Variants in AFAP1 observed in about 807,000 individuals in gnomAD.
The protein encoded by AFAP1 is actin filament associated protein 1.
A neutral mutation model predicts 93.9 loss-of-function variants in AFAP1; 75 were observed. The observed-to-expected ratio is 0.80, with a 90% CI of 0.66 to 0.97. The LOEUF (loss-of-function observed/expected upper bound fraction) is 0.97, where lower values mean the gene tolerates loss of function less well. AFAP1 is among the 50% of genes least tolerant of loss of function. The pLI is 0.00. For missense variants in AFAP1, 1,201 were observed against 1,050.8 expected (o/e 1.14, Z -1.98); for synonymous variants, 517 against 430.7 (o/e 1.20, Z -2.48).
intron 1 of AFAP1, among the ~76,000 whole-genome samples, chr4:7,891,832 T>C (rs1055116640): frequency 2.0e-5 from 3 of 148,020 alleles, no homozygotes; most frequent in Non-Finnish European, 3.0e-5. Flanking sequence ...GTGGATCACC[T>C]GGGGTCAGGA....
At chr4:7,904,791 T>C (rs1320073) in intron 1 of AFAP1, among the ~76,000 whole-genome samples, 133,984 of 152,198 alleles carry the variant, frequency 0.88, 59,230 homozygotes, top group African/African-American at 0.96. Flanking sequence ...ACTGCAGCCT[T>C]GACTTCCTGG....
At chr4:7,845,789 A>G (rs887205819) in intron 4 of AFAP1, among the ~76,000 whole-genome samples, 2 of 151,934 alleles carry the variant, frequency 1.3e-5, no homozygotes, top group African/African-American at 4.8e-5. Context: ...CTTACATTTC[A>G]ATTTTCATTC....
At position 7,870,531 on chromosome 4, in the gene AFAP1, A is replaced by C. The variant is rs115208516; in HGVS notation, c.127+1421T>G. Among the ~76,000 whole-genome samples the C allele has an allele frequency of 6.3e-3, 961 of 152,246 alleles. 8 individuals carry two copies. The highest frequency in any genetic ancestry group is 0.02 in the African/African-American group (840 of 41,540). On this transcript the variant is annotated intron_variant, in intron 2 of 17. Coordinates refer to ENST00000420658, the MANE Select transcript of AFAP1 (RefSeq NM_001134647.2). ...CTAGCTGGGTGTTGTGGTGTGCACAAATGTAGTCCCAGCTACTAGGGAGGC... is the reference window on the plus strand; with the variant it reads ...CTAGCTGGGTGTTGTGGTGTGCACACATGTAGTCCCAGCTACTAGGGAGGC...
At chr4:7,882,111 A>G (rs1350409656) in intron 1 of AFAP1, among the ~76,000 whole-genome samples, 2 of 152,180 alleles carry the variant, frequency 1.3e-5, no homozygotes, top group African/African-American at 4.8e-5. Context: ...CTCTAAAACT[A>G]TGAAGTCCTA....
chr4:7,885,422 G>C (rs937351106), intron 1 of AFAP1, among the ~76,000 whole-genome samples: 1 of 152,114 alleles, frequency 6.6e-6, no homozygotes, highest in Non-Finnish European at 1.5e-5. Flanking sequence ...TCTCACTGAG[G>C]TGCTACACTT....
chr4:7,874,421 T>C lies in AFAP1; in HGVS notation c.-2-2341A>G, dbSNP rs190482006. On this transcript the variant is annotated intron_variant, in intron 1 of 17. Coordinates refer to ENST00000420658, the MANE Select transcript of AFAP1 (RefSeq NM_001134647.2). ...CTTTGTCACCCAGGCTGGAGTGCAGTGGTGCAATCTCGGCTCACTGCAAGT... is the reference window on the plus strand; with the variant it reads ...CTTTGTCACCCAGGCTGGAGTGCAGCGGTGCAATCTCGGCTCACTGCAAGT... Among the ~76,000 whole-genome samples the C allele has an allele frequency of 3.2e-4, 45 of 141,184 alleles. No individual in the cohort carries two copies. In the South Asian group the frequency reaches 9.4e-3, roughly 30 times the overall value. The allele number at this position is 141,184 out of a possible 152,430, so 92.6% of individuals were successfully genotyped here.
chr4:7,840,292 GGTTT>G (rs1433804527), intron 5 of AFAP1, among the ~76,000 whole-genome samples: 7 of 107,440 alleles, frequency 6.5e-5, no homozygotes, highest in Non-Finnish European at 1.3e-4. Flanking sequence ...GTGTGTTCCT[GGTTT>G]GTTTTTGGGG....
At chr4:7,918,165 ACCGGGCTGCCAGAAGAGACACTCGGCC>A (rs879492250) in intron 1 of AFAP1, among the ~76,000 whole-genome samples, 5,209 of 150,314 alleles carry the variant, frequency 0.035, 261 homozygotes, top group Non-Finnish European at 0.055. Context: ...TCACCAGGAA[ACCGGGCTGCCAGAAGAGACACTCGGCC>A]CAGGTCACCA....
rs554096785 is a variant in AFAP1 at position 7,810,951 on chromosome 4, T to C, written c.905-1188A>G. On this transcript the variant is annotated intron_variant, in intron 8 of 17. Transcript: ENST00000420658. ...GCTCTGTCCGTGACCTCCGGCGGAA[T>C]TGCAGGGGCAGGGATCAGGCAAGAA... Among the ~76,000 whole-genome samples, 25 of 152,314 alleles carry C rather than the reference T, an allele frequency of 1.6e-4. 1 individual carries two copies. In the South Asian group the frequency reaches 5.0e-3, roughly 30 times the overall value.
At chr4:7,783,514 C>A (rs866134146) in intron 12 of AFAP1, among the ~76,000 whole-genome samples, 1 of 152,144 alleles carries the variant, frequency 6.6e-6, no homozygotes, top group Non-Finnish European at 1.5e-5. Flanking sequence ...GCCGAACACA[C>A]AGAAAATAGT....
At chr4:7,791,873 A>G (rs1379028793) in intron 11 of AFAP1, among the ~76,000 whole-genome samples, 5 of 152,038 alleles carry the variant, frequency 3.3e-5, no homozygotes, top group Admixed American at 3.3e-4. Flanking sequence ...AACAACAACA[A>G]CAAAACCCTA....
intron 6 of AFAP1, among the ~76,000 whole-genome samples, chr4:7,829,689 A>T (rs937011330): frequency 6.6e-6 from 1 of 152,240 alleles, no homozygotes; most frequent in Non-Finnish European, 1.5e-5. Flanking sequence ...ACATCAGACT[A>T]GCAAAAACTC....
At chr4:7,829,916 G>A (rs187741943) in intron 6 of AFAP1, among the ~76,000 whole-genome samples, 120 of 152,256 alleles carry the variant, frequency 7.9e-4, no homozygotes, top group African/African-American at 2.6e-3. Flanking sequence ...ATAAGCATAA[G>A]GTTATCTAAT....
At position 7,812,294 on chromosome 4, in the gene AFAP1, G is replaced by GT. The variant is rs1253003373; in HGVS notation, c.905-2532_905-2531insA. Among the ~76,000 whole-genome samples, 8 of 151,918 alleles carry GT rather than the reference G, an allele frequency of 5.3e-5. No individual in the cohort carries two copies. In the South Asian group the frequency reaches 8.3e-4, roughly 16 times the overall value. On this transcript the variant is annotated intron_variant, in intron 8 of 17. Transcript: ENST00000420658. ...AAGAGGTATCCCCCACAGATAATGT[G>GT]GCCCCCCCCAGAAAATGCAGCTCAT...
chr4:7,854,418 A>T (rs1714808401), intron 4 of AFAP1, among the ~76,000 whole-genome samples: 1 of 152,198 alleles, frequency 6.6e-6, no homozygotes, highest in Non-Finnish European at 1.5e-5. Context: ...TGGCTTCTCC[A>T]CAGCCCTTCT....
chr4:7,808,838 T>G (rs1719758444), intron 9 of AFAP1, among the ~76,000 whole-genome samples: 2 of 152,130 alleles, frequency 1.3e-5, no homozygotes, highest in South Asian at 4.1e-4. Flanking sequence ...CTCTTTCTCC[T>G]GCCATGTGAC....
intron 1 of AFAP1, among the ~76,000 whole-genome samples, chr4:7,930,024 T>C (rs910064029): frequency 6.6e-6 from 1 of 152,256 alleles, no homozygotes; most frequent in African/African-American, 2.4e-5. Flanking sequence ...ATTCTTATTA[T>C]GTGACCTTGA....
At chr4:7,889,078 C>T (rs372000590) in intron 1 of AFAP1, among the ~76,000 whole-genome samples, 3 of 152,188 alleles carry the variant, frequency 2.0e-5, no homozygotes, top group Middle Eastern at 3.4e-3. Flanking sequence ...AGGCATGAGC[C>T]ATTGTGCCTG....
intron 6 of AFAP1, among the ~76,000 whole-genome samples, chr4:7,825,041 G>T (rs1005888479): frequency 6.6e-6 from 1 of 152,164 alleles, no homozygotes; most frequent in African/African-American, 2.4e-5. Context: ...AACAATTCAT[G>T]TTAGAGACTT....
Sources: allele counts gnomAD v4.1 joint callset (sites outside exome capture counted in the v4.1 genomes callset), GRCh38; gene constraint gnomAD v4.1.1; transcripts MANE v1.5; gene names NCBI Gene and HGNC (gene_info 2026-07-23, HGNC 2026-07-21).